Variants in TRAF3IP3 observed in about 807,000 individuals in gnomAD.
TRAF3IP3 encodes TRAF3-interacting JNK-activating modulator.
In TRAF3IP3, 64 loss-of-function variants were observed where a neutral mutation model predicts 86.5. The ratio of observed to expected loss-of-function variants is 0.74; its 90% CI spans 0.60 to 0.91. The LOEUF (loss-of-function observed/expected upper bound fraction) is 0.91. TRAF3IP3 is among the 40% of genes least tolerant of loss of function. The pLI is 0.00. For missense variants in TRAF3IP3, 579 were observed against 642.9 expected (o/e 0.90, Z 1.07); for synonymous variants, 220 against 243.9 (o/e 0.90, Z 0.91).
chr1:209,770,967 CGTGTGCATG>C (rs2077484468), intron 8 of TRAF3IP3, among the ~76,000 whole-genome samples: 1 of 59,254 alleles, frequency 1.7e-5, no homozygotes, highest in Admixed American at 1.9e-4. Flanking sequence ...TGGAGGGGTG[CGTGTGCATG>C]TGGAGGTGTG....
rs2077638642 is a variant in TRAF3IP3 at position 209,775,663 on chromosome 1, A to G, written c.980A>G (p.Glu327Gly). 1 of 1,614,160 alleles carries G rather than the reference A, an allele frequency of 6.2e-7. No individual in the cohort carries two copies. Among genetic ancestry groups the G allele is most frequent in the South Asian group, 1.1e-5 (1 of 91,068 alleles). The change falls in exon 11 of 17, where the codon GAG (glutamate) becomes GGG (glycine). Residue 327 changes from glutamate (E) to glycine (G), a missense_variant. Transcript: ENST00000367025. Reference sequence around the variant, plus strand: ...AGGAGCCAGTATGAGGCTCTGAAGGAGGACTGGAGGACCCTTGGGACCCAG... The same window carrying G: ...AGGAGCCAGTATGAGGCTCTGAAGGGGGACTGGAGGACCCTTGGGACCCAG... ...EWRSQYEALK[E>G]DWRTLGTQHR...
intron 8 of TRAF3IP3, among the ~76,000 whole-genome samples, chr1:209,766,016 G>T (rs929309742): frequency 1.4e-4 from 22 of 152,190 alleles, no homozygotes; most frequent in South Asian, 6.2e-4. Flanking sequence ...ATACCGCACC[G>T]GGTGGAAAGA....
At chr1:209,761,910 A>T (rs1190123706) in intron 3 of TRAF3IP3, among the ~76,000 whole-genome samples, 1 of 152,242 alleles carries the variant, frequency 6.6e-6, no homozygotes, top group African/African-American at 2.4e-5. Flanking sequence ...TTCTAGAGAG[A>T]AAACCTGGAG....
At chr1:209,757,126 C>T (rs2077167639) in intron 1 of TRAF3IP3, among the ~76,000 whole-genome samples, 1 of 152,212 alleles carries the variant, frequency 6.6e-6, no homozygotes. Flanking sequence ...TGCACCAAAT[C>T]CTAGCAGGTG....
intron 8 of TRAF3IP3, among the ~76,000 whole-genome samples, chr1:209,763,816 C>T (rs988915007): frequency 6.6e-6 from 1 of 152,022 alleles, no homozygotes; most frequent in Non-Finnish European, 1.5e-5. Context: ...CCAAGGAAGA[C>T]CCAGAAACAA....
chr1:209,777,550 G>T, intron 12 of TRAF3IP3, 63 bp downstream of exon 12: 1 of 1,492,780 alleles, frequency 6.7e-7, no homozygotes, highest in Non-Finnish European at 9.0e-7. Context: ...TAAGAAAAAA[G>T]AAACTGAATT....
chr1:209,760,379 G>A lies in TRAF3IP3; in HGVS notation c.340G>A (p.Glu114Lys), dbSNP rs780563312. Reference sequence around the variant, plus strand: ...TGCCAGAAGGATTTCTTCTCCCAGAGAGCAGGTGGGCCGTGTCAAGGGACA... The same window carrying A: ...TGCCAGAAGGATTTCTTCTCCCAGAAAGCAGGTGGGCCGTGTCAAGGGACA... ...SCARRISSPR[E>K]QVTGTSSEVF... The change falls in exon 3 of 17, where the codon GAG (glutamate) becomes AAG (lysine). Residue 114 changes from glutamate (E) to lysine (K), a missense_variant. Coordinates refer to ENST00000367025, the MANE Select transcript of TRAF3IP3 (RefSeq NM_025228.4). 1.3e-5 allele frequency: 20 copies of A among 1,589,258 alleles called. No individual in the cohort carries two copies. In the East Asian group the frequency reaches 4.4e-4, roughly 35 times the overall value.
chr1:209,771,504 TG>T (rs1490442826), intron 8 of TRAF3IP3, among the ~76,000 whole-genome samples: 1 of 141,336 alleles, frequency 7.1e-6, no homozygotes, highest in African/African-American at 2.7e-5. Flanking sequence ...CATGTGAAGG[TG>T]TGTGTGAAGG....
chr1:209,770,290 T>C (rs897453084), intron 8 of TRAF3IP3, among the ~76,000 whole-genome samples: 8 of 152,246 alleles, frequency 5.3e-5, no homozygotes, highest in Non-Finnish European at 7.3e-5. Flanking sequence ...GAGTCTAGTA[T>C]GTACGTGTGC....
chr1:209,781,401 G>A lies in TRAF3IP3; in HGVS notation c.1506G>A (p.Leu502=). The A allele has an allele frequency of 1.2e-6, 2 of 1,613,780 alleles. No individual in the cohort carries two copies. Among genetic ancestry groups the A allele is most frequent in the African/African-American group, 1.3e-5 (1 of 75,058 alleles). The part of the protein sequence containing the change: ...DNLSDEYLSC[L]RKLQHCREEL... ...TCAGTGACGAGTATCTCTCCTGCCT[G>A]CGTAAGCTGCAGCACTGTCGAGAAG... The change falls in exon 16 of 17, where the codon CTG becomes CTA. Residue 502 remains leucine (L), a synonymous_variant. Coordinates refer to ENST00000367025, the MANE Select transcript of TRAF3IP3 (RefSeq NM_025228.4).
Position 209,775,703 on chromosome 1 carries a change from G to A in TRAF3IP3, c.1020G>A (p.Glu340=), listed in dbSNP as rs377426065. The change falls in exon 11 of 17, where the codon GAG becomes GAA. Residue 340 remains glutamate (E), a synonymous_variant. Transcript: ENST00000367025. ...TTGGGACCCAGCACAGGGAGCTGGA[G>A]AGCCAACTCCACGTGCTTCAGTCCA... ...RTLGTQHREL[E]SQLHVLQSKL... 6.2e-5 allele frequency: 100 copies of A among 1,613,650 alleles called. 1 individual carries two copies. Among genetic ancestry groups the A allele is most frequent in the Middle Eastern group, 3.3e-4 (2 of 5,980 alleles).
At chr1:209,775,190 G>A in intron 9 of TRAF3IP3, 159 bp from the exon 10 acceptor site, 2 of 683,120 alleles carry the variant, frequency 2.9e-6, no homozygotes, top group East Asian at 2.7e-5. Flanking sequence ...TTGCCTGAGG[G>A]ACTCTTCTTG....
At chr1:209,763,026 C>T in intron 5 of TRAF3IP3, 42 bp from the exon 6 acceptor site, 1 of 1,611,526 alleles carries the variant, frequency 6.2e-7, no homozygotes, top group Non-Finnish European at 8.5e-7. Context: ...TGACTTGATT[C>T]TTTGGTCCAT....
chr1:209,768,708 C>A, intron 8 of TRAF3IP3: 3 of 985,288 alleles, frequency 3.0e-6, no homozygotes, highest in Non-Finnish European at 3.6e-6. Context: ...GGTTTATATG[C>A]CCTCTGAGCC....
At chr1:209,756,426 A>T (rs1422421638) in intron 1 of TRAF3IP3, 117 bp downstream of exon 1, 1 of 152,196 alleles carries the variant, frequency 6.6e-6, no homozygotes, top group East Asian at 1.9e-4. Context: ...GCATAGTTTA[A>T]GGGTGTCAGG....
intron 8 of TRAF3IP3, among the ~76,000 whole-genome samples, chr1:209,767,349 A>G (rs1481066542): frequency 6.6e-6 from 1 of 152,198 alleles, no homozygotes; most frequent in East Asian, 1.9e-4. Flanking sequence ...AAGGTATGCA[A>G]TTACTATCTG....
intron 16 of TRAF3IP3, 59 bp downstream of exon 16, chr1:209,781,517 C>G: frequency 7.7e-7 from 1 of 1,290,846 alleles, no homozygotes; most frequent in Non-Finnish European, 1.1e-6. Context: ...CTTCTTTAAC[C>G]AAGTTTTGCA....
chr1:209,756,929 G>A (rs1305115932), intron 1 of TRAF3IP3, among the ~76,000 whole-genome samples: 1 of 152,190 alleles, frequency 6.6e-6, no homozygotes, highest in Non-Finnish European at 1.5e-5. Flanking sequence ...GCTGCCAGGG[G>A]GGAACCTGAG....
rs752465245 is a variant in TRAF3IP3 at position 209,762,700 on chromosome 1, G to A, written c.493+38G>A. The A allele has an allele frequency of 3.5e-5, 43 of 1,222,022 alleles. 3 individuals carry two copies. The highest frequency in any genetic ancestry group is 2.3e-4 in the Middle Eastern group (1 of 4,352). The allele number at this position is 1,222,022 out of a possible 1,614,324, so 75.7% of individuals were successfully genotyped here. On this transcript the variant is annotated intron_variant, in intron 4 of 16. Coordinates refer to ENST00000367025, the MANE Select transcript of TRAF3IP3 (RefSeq NM_025228.4). ...CCTCCCTCACTCCACAGGGCCTGCA[G>A]AGAATCCTGAGACAACTGTCCCAGC...
Sources: allele counts gnomAD v4.1 joint callset (sites outside exome capture counted in the v4.1 genomes callset), GRCh38; gene constraint gnomAD v4.1.1; transcripts MANE v1.5; gene names NCBI Gene and HGNC (gene_info 2026-07-23, HGNC 2026-07-21).